Variants in FABP6 observed in about 807,000 individuals in gnomAD.
FABP6 encodes the protein gastrotropin.
Under a neutral mutation model 14.9 loss-of-function variants are expected in FABP6, and 13 were observed. The observed-to-expected ratio is 0.87, with a 90% CI of 0.57 to 1.39. FABP6 has a LOEUF of 1.39. Among genes scored for constraint, FABP6 ranks in the 40% most tolerant of loss-of-function variants. The pLI, the probability that FABP6 is intolerant of heterozygous loss-of-function variation, is 0.00. For synonymous variants in FABP6, 75 were observed against 63.6 expected, an observed-to-expected ratio of 1.18 and a Z score of -0.85; for missense variants, 161 against 167.2, an observed-to-expected ratio of 0.96 and a Z score of 0.20.
chr5:160,215,920 G>C (rs779087305), intron 3 of FABP6, among the ~76,000 whole-genome samples: 3 of 152,178 alleles, frequency 2.0e-5, no homozygotes, highest in East Asian at 3.9e-4. Context: ...CTCCTCCCCA[G>C]TTGCGCCACT....
At chr5:160,218,311 A>C (rs1056464247) in intron 3 of FABP6, among the ~76,000 whole-genome samples, 2 of 152,078 alleles carry the variant, frequency 1.3e-5, no homozygotes, top group Admixed American at 6.6e-5. Flanking sequence ...GAGACACAAA[A>C]AAATAAATAA....
chr5:160,199,895 G>A (rs1759600261), intron 2 of FABP6, among the ~76,000 whole-genome samples: 3 of 152,286 alleles, frequency 2.0e-5, no homozygotes, highest in South Asian at 4.1e-4. Context: ...AGTGGGGCAG[G>A]ACATGGTCTT....
intron 3 of FABP6, among the ~76,000 whole-genome samples, chr5:160,218,118 GT>G (rs956895238): frequency 1.7e-4 from 26 of 151,592 alleles, no homozygotes; most frequent in Middle Eastern, 3.4e-3. Context: ...TTTTCTGTTT[GT>G]TTTTTTTAGG....
chr5:160,201,107 A>G (rs1214482075), intron 2 of FABP6, among the ~76,000 whole-genome samples: 1 of 152,080 alleles, frequency 6.6e-6, no homozygotes, highest in African/African-American at 2.4e-5. Context: ...TGAAATCCCT[A>G]CAGTTTGGTA....
At chr5:160,226,337 C>G (rs1490929130), upstream of FABP6, among the ~76,000 whole-genome samples, 2 of 150,958 alleles carry the variant, frequency 1.3e-5, no homozygotes, top group Admixed American at 1.3e-4. Flanking sequence ...CCGAGGCGGG[C>G]AGATCACGAG....
intron 1 of FABP6, among the ~76,000 whole-genome samples, chr5:160,193,209 T>G (rs1030335929): frequency 3.9e-5 from 6 of 152,122 alleles, no homozygotes; most frequent in Admixed American, 2.0e-4. Context: ...GTGGTCTCGC[T>G]GGCTCAGGGG....
chr5:160,219,511 G>C (rs564132920), intron 3 of FABP6, among the ~76,000 whole-genome samples: 2 of 152,268 alleles, frequency 1.3e-5, no homozygotes, highest in East Asian at 1.9e-4. Flanking sequence ...CAGGAGAAGA[G>C]GGGAAGAGGC....
rs78705275 is a variant in FABP6 at position 160,204,467 on chromosome 5, C to T, written c.51+5310C>T. On this transcript the variant is annotated intron_variant, in intron 2 of 6. Coordinates refer to the FABP6 transcript ENST00000393980. The stretch of plus-strand genomic sequence containing the variant: ...TCTTTCCTCCCCAGCTCCCCCTCAT[C>T]CCCTGCATCCTATTTTCTTTTCCTT... Among the ~76,000 whole-genome samples, 933 of 152,276 alleles carry T rather than the reference C, an allele frequency of 6.1e-3. 9 individuals carry two copies. The highest frequency in any genetic ancestry group is 0.022 in the African/African-American group (898 of 41,558).
At chr5:160,189,900 T>C (rs972039010) in intron 1 of FABP6, among the ~76,000 whole-genome samples, 1 of 152,126 alleles carries the variant, frequency 6.6e-6, no homozygotes, top group Non-Finnish European at 1.5e-5. Context: ...GGCCATCCAC[T>C]CCCAAAATTT....
chr5:160,214,020 G>GTTCAAC (rs1394550502), intron 3 of FABP6, among the ~76,000 whole-genome samples: 10 of 152,156 alleles, frequency 6.6e-5, no homozygotes, highest in African/African-American at 1.9e-4. Context: ...CATGCTGATG[G>GTTCAAC]TTCAACTTTA....
chr5:160,222,248 A>G (rs1191195090), intron 3 of FABP6, among the ~76,000 whole-genome samples: 1 of 151,966 alleles, frequency 6.6e-6, no homozygotes, highest in Non-Finnish European at 1.5e-5. Flanking sequence ...ACATGCCACT[A>G]CACCTGCTAA....
chr5:160,218,939 T>A (rs1284687420), intron 3 of FABP6, among the ~76,000 whole-genome samples: 2 of 152,144 alleles, frequency 1.3e-5, no homozygotes, highest in Non-Finnish European at 2.9e-5. Flanking sequence ...TTTTTTAATT[T>A]TTTTAGAGCC....
At chr5:160,224,800 G>GGC (rs1271578958), upstream of FABP6, among the ~76,000 whole-genome samples, 2 of 81,604 alleles carry the variant, frequency 2.5e-5, no homozygotes, top group East Asian at 6.7e-4. Context: ...TTTTTTTTGA[G>GGC]ACAGTCTTAC....
intron 2 of FABP6, among the ~76,000 whole-genome samples, chr5:160,234,257 A>T (rs1031045807): frequency 6.6e-6 from 1 of 152,114 alleles, no homozygotes; most frequent in Admixed American, 6.6e-5. Flanking sequence ...TTCAGCACAC[A>T]GCATAAGCAA....
chr5:160,191,266 G>A (rs1759387825), intron 1 of FABP6, among the ~76,000 whole-genome samples: 1 of 152,016 alleles, frequency 6.6e-6, no homozygotes, highest in African/African-American at 2.4e-5. Context: ...AGGAGTTCGA[G>A]ACCAGCCTGG....
chr5:160,224,026 G>T (rs1231175903), intron 3 of FABP6, among the ~76,000 whole-genome samples: 1 of 151,776 alleles, frequency 6.6e-6, no homozygotes, highest in African/African-American at 2.4e-5. Context: ...CACGAGGTCA[G>T]AAGATCGAGA....
upstream of FABP6, chr5:160,229,439 G>A: frequency 6.4e-7 from 1 of 1,552,026 alleles, no homozygotes; most frequent in South Asian, 1.2e-5. Context: ...AGAAGAAGTG[G>A]GGTGACTTAG....
chr5:160,220,933 C>A (rs989150266), intron 3 of FABP6, among the ~76,000 whole-genome samples: 1 of 151,460 alleles, frequency 6.6e-6, no homozygotes, highest in African/African-American at 2.4e-5. Context: ...ACTAAAAATA[C>A]AAAAATTAGC....
At chr5:160,187,608 G>A (rs2113042292) in intron 1 of FABP6, among the ~76,000 whole-genome samples, 1 of 152,100 alleles carries the variant, frequency 6.6e-6, no homozygotes, top group Non-Finnish European at 1.5e-5. Flanking sequence ...CCCTGACTTG[G>A]GGGAACAAGG....
Sources: gnomAD v4.1 joint callset for allele counts (sites outside exome capture counted in the v4.1 genomes callset) on GRCh38, gnomAD v4.1.1 for gene constraint, MANE v1.5 for transcripts, NCBI Gene and HGNC (gene_info 2026-07-23, HGNC 2026-07-21) for gene names.